Variants in HSPH1 observed in about 807,000 individuals in gnomAD.
HSPH1 encodes heat shock protein family H (Hsp110) member 1, also known as heat shock protein 105 kDa.
A neutral mutation model predicts 100.0 loss-of-function variants in HSPH1; 40 were observed. The observed-to-expected ratio is 0.40, with a 90% CI of 0.31 to 0.52. The LOEUF (loss-of-function observed/expected upper bound fraction) is 0.52. Among genes scored for constraint, HSPH1 ranks in the 20% least tolerant of loss-of-function variants. HSPH1 has a pLI of 0.54. For synonymous variants in HSPH1, 403 were observed against 344.0 expected, an observed-to-expected ratio of 1.17 and a Z score of -1.90; for missense variants, 876 against 1,015.1, an observed-to-expected ratio of 0.86 and a Z score of 1.86.
In HSPH1 at chr13:31,155,589, G is replaced by C. The variant is rs758009921; in HGVS notation, c.231C>G (p.Asp77Glu). 6.2e-7 allele frequency: 1 copy of C among 1,610,078 alleles called. No homozygotes were observed. Among genetic ancestry groups the C allele is most frequent in the Admixed American group, 1.7e-5 (1 of 59,908 alleles). The change falls in exon 3 of 18, where the codon GAC becomes GAG. Residue 77 changes from aspartate to glutamate, a missense_variant. By Grantham distance (45) the Asp-to-Glu change is conservative (BLOSUM62 2). Transcript: ENST00000320027. ...TTTCCTTCTCCTTTTGAATGAAGGG[G>C]TCATTGAATGCTCGGCCATGAAATC... is the stretch of plus-strand genomic sequence containing the variant. ...FKRFHGRAFN[D>E]PFIQKEKENL...
At chr13:31,149,097 A>G (rs1490370063) in intron 8 of HSPH1, among the ~76,000 whole-genome samples, 1 of 152,152 alleles carries the variant, frequency 6.6e-6, no homozygotes, top group African/African-American at 2.4e-5. Context: ...AATTAGCTCT[A>G]CTTCTGAAGA....
chr13:31,153,052 T>A, intron 4 of HSPH1, 101 bp from the exon 5 acceptor site: 1 of 760,862 alleles, frequency 1.3e-6, no homozygotes. Flanking sequence ...GCTAAGTAGG[T>A]GCCTCGCCAA....
rs781021617 is a variant in HSPH1, at chr13:31,158,792, C to T, written c.165+14G>A. ...CCCCTTAAAAAGTGATCCGAATTCT[C>T]TTAAAGAACATACCTGATTTTTGGC... On this transcript the variant is annotated intron_variant, in intron 2 of 17. Coordinates refer to ENST00000320027, the MANE Select transcript of HSPH1 (RefSeq NM_006644.4). 5.7e-6 allele frequency: 9 copies of T among 1,577,232 alleles called. No homozygotes were observed. In the Admixed American group the frequency reaches 6.7e-5, roughly 12 times the overall value.
chr13:31,136,524 A>T lies in HSPH1; in HGVS notation c.*794T>A, dbSNP rs561438990. ...CATTTTCACTTAGAAAAGAGAGAAC[A>T]TAAGCAGTAAAAAAGAAAAACTGGA... is the stretch of plus-strand genomic sequence containing the variant. On this transcript the variant is annotated 3_prime_UTR_variant, in exon 18 of 18. Coordinates refer to ENST00000320027, the MANE Select transcript of HSPH1 (RefSeq NM_006644.4). 1.5e-4 allele frequency: 23 copies of T among 152,614 alleles called. No individual in the cohort carries two copies. In the East Asian group the frequency reaches 4.4e-3, roughly 29 times the overall value. The allele number at this position is 152,614 out of a possible 1,614,324, so 9.5% of individuals were successfully genotyped here.
Position 31,161,797 on chromosome 13 carries a change from C to A in HSPH1, c.-215G>T. Reference sequence around the variant, plus strand: ...ACAGCGGCGGCTGGCTGATAAGAAACCCTGGGAGAAAGCGGGGCTCAGCCT... The same window carrying A: ...ACAGCGGCGGCTGGCTGATAAGAAAACCTGGGAGAAAGCGGGGCTCAGCCT... On this transcript the variant is annotated 5_prime_UTR_variant, in exon 1 of 18. Transcript: ENST00000320027. 6.7e-7 allele frequency: 1 copy of A among 1,490,392 alleles called. No homozygotes were observed. The highest frequency in any genetic ancestry group is 8.9e-7 in the Non-Finnish European group (1 of 1,121,558). 92.3% of individuals were successfully genotyped at this position (1,490,392 alleles called of 1,614,324 possible). A position where few individuals can be genotyped will look rare whatever the true frequency, so the allele number is the denominator to read the frequency against.
intron 1 of HSPH1, among the ~76,000 whole-genome samples, chr13:31,159,241 T>C (rs905867341): frequency 2.0e-5 from 3 of 152,258 alleles, no homozygotes; most frequent in Admixed American, 1.3e-4. Flanking sequence ...ACCAACTCTG[T>C]ACAAATCTAA....
Position 31,154,739 on chromosome 13 carries a change from T to C in HSPH1, c.323A>G (p.Glu108Gly). The C allele has an allele frequency of 6.2e-7, 1 of 1,613,692 alleles. No individual in the cohort carries two copies. The highest frequency in any genetic ancestry group is 1.1e-5 in the South Asian group (1 of 91,070). ...CTGCTCCACACTAAATAGATGTTCT[T>C]CACCCATGTACATTACCTATATTGA... Reference protein sequence around the residue: ...GVGIKVMYMGEEHLFSVEQIT... With the variant: ...GVGIKVMYMGGEHLFSVEQIT... Residue 108 changes from glutamate to glycine, a missense_variant, in exon 4 of 18, where the codon GAA (glutamate) becomes GGA (glycine). Physicochemically the swap from Glu to Gly is moderately conservative, Grantham distance 98. Transcript: ENST00000320027.
At position 31,151,711 on chromosome 13, in the gene HSPH1, A is replaced by T. The variant is rs754345646; in HGVS notation, c.561T>A (p.Asp187Glu). 6.2e-7 allele frequency: 1 copy of T among 1,610,694 alleles called. No individual in the cohort carries two copies. Among genetic ancestry groups the T allele is most frequent in the Non-Finnish European group, 8.5e-7 (1 of 1,178,698 alleles). ...VALNYGIYKQ[D>E]LPSLDEKPRI... ...GAGGTTTCTCATCCAGGCTTGGGAG[A>T]TCCTGCTTATAAATTCCGTAATTCA... is the stretch of plus-strand genomic sequence containing the variant. The change falls in exon 6 of 18, where the codon GAT becomes GAA. Residue 187 changes from aspartate (D) to glutamate (E), a missense_variant. Coordinates refer to ENST00000320027, the MANE Select transcript of HSPH1 (RefSeq NM_006644.4).
chr13:31,137,826 A>T (rs73461610), intron 17 of HSPH1, among the ~76,000 whole-genome samples: 8,907 of 152,226 alleles, frequency 0.059, 880 homozygotes, highest in African/African-American at 0.2. Context: ...CAAAGAGGTT[A>T]AGTAACTTCA....
In HSPH1 at chr13:31,149,249, C is replaced by T. The variant is rs190163176; in HGVS notation, c.1137+705G>A. On this transcript the variant is annotated intron_variant, in intron 8 of 17. Transcript: ENST00000320027. ...TATTAATATTTAGTATCTACATATT[C>T]TTCCTTTTATAAGTATACAAAGGCA... 1.8e-3 allele frequency among the ~76,000 whole-genome samples: 278 copies of T among 152,162 alleles called. 1 individual carries two copies. The highest frequency in any genetic ancestry group is 2.9e-3 in the Non-Finnish European group (196 of 67,948).
At position 31,158,709 on chromosome 13, in the gene HSPH1, A is replaced by T. The variant is rs187482802; in HGVS notation, c.165+97T>A. 68 of 763,992 alleles carry T rather than the reference A, an allele frequency of 8.9e-5. No individual in the cohort carries two copies. In the East Asian group the frequency reaches 1.6e-3, roughly 18 times the overall value. 47.3% of individuals were successfully genotyped at this position (763,992 alleles called of 1,614,324 possible). On this transcript the variant is annotated intron_variant, in intron 2 of 17. Coordinates refer to ENST00000320027, the MANE Select transcript of HSPH1 (RefSeq NM_006644.4). ...CATTTTTAAAACTCAAAAATACATA[A>T]ACTTAGGCACACTTTACCCTCTTAT...
chr13:31,154,895 A>G (rs1465748937), intron 3 of HSPH1, 140 bp from the exon 4 acceptor site: 2 of 670,144 alleles, frequency 3.0e-6, no homozygotes, highest in Admixed American at 6.6e-5. Flanking sequence ...AGAAGGAAGA[A>G]AAGGAGGAAA....
rs1341652866 is a variant in HSPH1, at chr13:31,145,781, C to A, written c.1379-13G>T. 5 of 1,609,286 alleles carry A rather than the reference C, an allele frequency of 3.1e-6. No homozygotes were observed. The highest frequency in any genetic ancestry group is 4.3e-6 in the Non-Finnish European group (5 of 1,176,262). On this transcript the variant is annotated splice_polypyrimidine_tract_variant and intron_variant, in intron 10 of 17. Transcript: ENST00000320027. ...ACTACAAAGCGGCCTAGAACAACAA[C>A]AACAAAAATCACAAAATCACAATTT...
Position 31,151,448 on chromosome 13 carries a change from T to C in HSPH1, c.663+161A>G, listed in dbSNP as rs1259670313. 6 of 705,676 alleles carry C rather than the reference T, an allele frequency of 8.5e-6. 1 individual carries two copies. Among genetic ancestry groups the C allele is most frequent in the Non-Finnish European group, 1.4e-5 (6 of 443,404 alleles). 43.7% of individuals were successfully genotyped at this position (705,676 alleles called of 1,614,324 possible). On this transcript the variant is annotated intron_variant, in intron 6 of 17. Coordinates refer to ENST00000320027, the MANE Select transcript of HSPH1 (RefSeq NM_006644.4). ...AGAGTATGCTAAGACAATTACATCA[T>C]CTTTATGGAGCTCAACCTTAGCAAC...
upstream of HSPH1, chr13:31,162,244 G>A: frequency 2.7e-6 from 2 of 744,706 alleles, no homozygotes; most frequent in South Asian, 1.7e-5. Flanking sequence ...CCGGGAGGTG[G>A]TGTCCGATCC....
rs759336666 is a variant in HSPH1, at chr13:31,151,019, G to A, written c.836C>T (p.Ser279Phe). 1 of 1,613,572 alleles carries A rather than the reference G, an allele frequency of 6.2e-7. No individual in the cohort carries two copies. Among genetic ancestry groups the A allele is most frequent in the East Asian group, 2.2e-5 (1 of 44,876 alleles). Residue 279 changes from serine (S) to phenylalanine (F), a missense_variant, in exon 7 of 18, where the codon TCT becomes TTT. Ser to Phe is a radical substitution (Grantham distance 155). Transcript: ENST00000320027. ...ATTCAGTGGAAGGTCTGTGCTGTTAGAGCTCATTAGCTTTTTCAGTTTTTC... is the reference window on the plus strand; with the variant it reads ...ATTCAGTGGAAGGTCTGTGCTGTTAAAGCTCATTAGCTTTTTCAGTTTTTC... ...ECEKLKKLMSSNSTDLPLNIE... is the reference protein window; with the variant it reads ...ECEKLKKLMSFNSTDLPLNIE...
intron 2 of HSPH1, among the ~76,000 whole-genome samples, chr13:31,158,407 GGCGTGGTGACAC>G (rs1360995108): frequency 6.6e-6 from 1 of 151,848 alleles, no homozygotes; most frequent in African/African-American, 2.4e-5. Context: ...AAACTAGCTG[GGCGTGGTGACAC>G]GCGCCTGTAA....
chr13:31,149,946 G>C lies in HSPH1; in HGVS notation c.1137+8C>G, dbSNP rs370586884. On this transcript the variant is annotated splice_region_variant and intron_variant, in intron 8 of 17. Transcript: ENST00000320027. ...GTACACCAAGCAAAAGCAGAGTTGA[G>C]AAAGTACCTGTAATGCACATCCTCT... is the stretch of plus-strand genomic sequence containing the variant. 1.9e-4 allele frequency: 302 copies of C among 1,607,514 alleles called. No individual in the cohort carries two copies. The highest frequency in any genetic ancestry group is 2.5e-4 in the Non-Finnish European group (290 of 1,174,286).
At position 31,145,765 on chromosome 13, in the gene HSPH1, C is replaced by T. The variant is rs747233604; in HGVS notation, c.1382G>A (p.Arg461His). 1.1e-5 allele frequency: 18 copies of T among 1,612,788 alleles called. No homozygotes were observed. In the Admixed American group the frequency reaches 1.2e-4, roughly 10 times the overall value. ...GVPYPEAKIG[R>H]FVVQNVSAQK... is the part of the protein sequence containing the mutation. ...TGCAGAAACATTCTGAACTACAAAG[C>T]GGCCTAGAACAACAACAACAAAAAT... The change falls in exon 11 of 18, where the codon CGC (arginine) becomes CAC (histidine). Residue 461 changes from arginine to histidine, a missense_variant. Physicochemically the swap from Arg to His is conservative, Grantham distance 29. Transcript: ENST00000320027.
Sources: gnomAD v4.1 joint callset for allele counts (sites outside exome capture counted in the v4.1 genomes callset) on GRCh38, gnomAD v4.1.1 for gene constraint, MANE v1.5 for transcripts, NCBI Gene and HGNC (gene_info 2026-07-23, HGNC 2026-07-21) for gene names.